The following CIB2 variants were observed in gnomAD, a reference collection of about 807,000 sequenced individuals.
CIB2 encodes calcium and integrin binding family member 2.
In CIB2, 19 loss-of-function variants were observed where a neutral mutation model predicts 23.1. The ratio of observed to expected loss-of-function variants is 0.82; its 90% CI spans 0.57 to 1.21. The LOEUF (loss-of-function observed/expected upper bound fraction) is 1.21. Among genes scored for constraint, CIB2 ranks in the 50% most tolerant of loss-of-function variants. The probability of loss-of-function intolerance (pLI) is 0.00; values close to 1 mark genes in which losing one functional copy is unlikely to be tolerated. For missense variants in CIB2, 220 were observed against 241.5 expected, an observed-to-expected ratio of 0.91 and a Z score of 0.59; for synonymous variants, 94 against 91.7, an observed-to-expected ratio of 1.03 and a Z score of -0.14.
In CIB2 at chr15:78,131,288, G is replaced by A; in HGVS notation, c.-73C>T. 2 of 1,179,208 alleles carry A rather than the reference G, an allele frequency of 1.7e-6. No homozygotes were observed. The highest frequency in any genetic ancestry group is 1.6e-5 in the African/African-American group (1 of 61,676). 73.0% of individuals were successfully genotyped at this position (1,179,208 alleles called of 1,614,324 possible). ...AGCGGCCGCCAGACCCGGAGCCAGC[G>A]CCCCGTGCCCGCGGCCCTCGGCAGC... On this transcript the variant is annotated 5_prime_UTR_variant, in exon 1 of 6. Coordinates refer to ENST00000258930, the MANE Select transcript of CIB2 (RefSeq NM_006383.4). The surrounding 1 kb of genome is among the most constrained non-coding windows in gnomAD (Gnocchi z 5.8).
At chr15:78,128,856 G>A (rs1036942405) in intron 1 of CIB2, among the ~76,000 whole-genome samples, 10 of 152,162 alleles carry the variant, frequency 6.6e-5, no homozygotes, top group African/African-American at 2.4e-4. Context: ...CCTGGCTGTC[G>A]TGATGGAGGA....
chr15:78,126,114 T>C (rs2074377053), intron 1 of CIB2, among the ~76,000 whole-genome samples: 1 of 151,412 alleles, frequency 6.6e-6, no homozygotes, highest in African/African-American at 2.4e-5. Context: ...GAATGGAACT[T>C]AGGCCTCTGT....
rs2074395564 is a variant in CIB2, at chr15:78,127,402, G to C, written c.52-3663C>G. Among the ~76,000 whole-genome samples, 2 of 152,332 alleles carry C rather than the reference G, an allele frequency of 1.3e-5. 1 individual carries two copies. Among genetic ancestry groups the C allele is most frequent in the South Asian group, 4.1e-4 (2 of 4,826 alleles). On this transcript the variant is annotated intron_variant, in intron 1 of 5. Coordinates refer to ENST00000258930, the MANE Select transcript of CIB2 (RefSeq NM_006383.4). Reference sequence around the variant, plus strand: ...GGTCTGGGTCATGAGGAGTGGAAGGGAGGGAAGGAGAGAGGGGGCCTAACC... The same window carrying C: ...GGTCTGGGTCATGAGGAGTGGAAGGCAGGGAAGGAGAGAGGGGGCCTAACC...
rs530078963 is a variant in CIB2, at chr15:78,116,929, T to TA, written c.87-5654dup. Among the ~76,000 whole-genome samples the TA allele has an allele frequency of 8.1e-3, 1,113 of 137,074 alleles. 9 individuals are homozygous for TA. Among genetic ancestry groups the TA allele is most frequent in the African/African-American group, 0.029 (1,020 of 35,622 alleles). 89.9% of individuals were successfully genotyped at this position (137,074 alleles called of 152,430 possible). A position where few individuals can be genotyped will look rare whatever the true frequency, so the allele number is the denominator to read the frequency against. ...GACTGTTTCTATAATTTTTTTTAAT[T>TA]AAAAAAAATGAATTCACAATTTAAA... On this transcript the variant is annotated intron_variant, in intron 2 of 5. Coordinates refer to ENST00000258930, the MANE Select transcript of CIB2 (RefSeq NM_006383.4).
chr15:78,117,246 CAAAAAAAA>C (rs60332437), intron 2 of CIB2, among the ~76,000 whole-genome samples: 12 of 55,496 alleles, frequency 2.2e-4, no homozygotes, highest in East Asian at 1.2e-3. Context: ...AAGCTACTGG[CAAAAAAAA>C]AAAAAAAAAA....
At chr15:78,130,999 C>G (rs978241394) in intron 1 of CIB2, among the ~76,000 whole-genome samples, 166 bp downstream of exon 1, 1 of 152,026 alleles carries the variant, frequency 6.6e-6, no homozygotes, top group Non-Finnish European at 1.5e-5. Context: ...AACTGAGGCA[C>G]GGCGAGGGGA....
chr15:78,130,982 G>A (rs550512962), intron 1 of CIB2, among the ~76,000 whole-genome samples, 183 bp downstream of exon 1: 26 of 152,238 alleles, frequency 1.7e-4, no homozygotes, highest in Non-Finnish European at 3.5e-4. Flanking sequence ...TATTCCACCG[G>A]TGGGGAAACT....
chr15:78,123,722 AT>A lies in CIB2; in HGVS notation c.68del (p.Asn23IlefsTer34). On this transcript the variant is annotated frameshift_variant, in exon 2 of 6. Transcript: ENST00000258930. LOFTEE classifies it high-confidence loss of function. ...LDNYQDCTFF[N>X]KKDILKLHSR... The stretch of plus-strand genomic sequence containing the variant: ...ACACTTACTTGAGGATGTCCTTCTT[AT>A]TGAAGAAGGTGCAGTCCTGTTGAGG... 6.2e-7 allele frequency: 1 copy of A among 1,614,048 alleles called. No homozygotes were observed. The highest frequency in any genetic ancestry group is 8.5e-7 in the Non-Finnish European group (1 of 1,179,916).
At chr15:78,126,140 G>GCCCCC (rs55741935) in intron 1 of CIB2, among the ~76,000 whole-genome samples, 43 of 129,822 alleles carry the variant, frequency 3.3e-4, no homozygotes, top group South Asian at 9.8e-4. Flanking sequence ...CCTTTCCCCT[G>GCCCCC]CCCCCCCCCC....
At chr15:78,109,646 C>G in intron 3 of CIB2, 2 of 505,782 alleles carry the variant, frequency 4.0e-6, no homozygotes, top group Non-Finnish European at 7.2e-6. Flanking sequence ...CATGTCACAT[C>G]ATTAAGATGG....
At chr15:78,124,782 G>A (rs559244890) in intron 1 of CIB2, among the ~76,000 whole-genome samples, 1 of 152,312 alleles carries the variant, frequency 6.6e-6, no homozygotes, top group Admixed American at 6.5e-5. Flanking sequence ...CTGATGAGGA[G>A]TGAATGGCTG....
At chr15:78,124,626 C>T (rs1399321064) in intron 1 of CIB2, among the ~76,000 whole-genome samples, 1 of 152,148 alleles carries the variant, frequency 6.6e-6, no homozygotes, top group Non-Finnish European at 1.5e-5. Flanking sequence ...AAATGCCCAA[C>T]CGTAAAGGGC....
At chr15:78,112,644 G>C (rs991806816) in intron 2 of CIB2, among the ~76,000 whole-genome samples, 12 of 152,200 alleles carry the variant, frequency 7.9e-5, no homozygotes, top group Admixed American at 3.9e-4. Context: ...GGCTGAGGTA[G>C]GTAACCTGCC....
At chr15:78,122,019 A>T (rs1349889111) in intron 2 of CIB2, among the ~76,000 whole-genome samples, 1 of 152,012 alleles carries the variant, frequency 6.6e-6, no homozygotes, top group African/African-American at 2.4e-5. Context: ...AGCCAATCCT[A>T]CCTGTCTTTC....
Position 78,131,056 on chromosome 15 carries a change from T to A in CIB2, c.51+109A>T. 1 of 955,140 alleles carries A rather than the reference T, an allele frequency of 1.0e-6. No homozygotes were observed. Among genetic ancestry groups the A allele is most frequent in the Non-Finnish European group, 1.5e-6 (1 of 665,304 alleles). The allele number at this position is 955,140 out of a possible 1,614,324, so 59.2% of individuals were successfully genotyped here. On this transcript the variant is annotated intron_variant, in intron 1 of 5. Transcript: ENST00000258930. This position sits in a 1 kb window ranked among gnomAD's most constrained non-coding sequence, Gnocchi z 5.8. ...CGTCGAGCTGAAGGCAGAGGCAGGG[T>A]TTGAACCTGGGAGAGCTGGCTCTCG... is the stretch of plus-strand genomic sequence containing the variant.
intron 1 of CIB2, among the ~76,000 whole-genome samples, chr15:78,130,610 C>T (rs1490623222): frequency 6.6e-6 from 1 of 152,120 alleles, no homozygotes; most frequent in Non-Finnish European, 1.5e-5. Context: ...AGGCTGCTAC[C>T]GGGCTTGCGT....
Position 78,131,119 on chromosome 15 carries a change from G to A in CIB2, c.51+46C>T. 1 of 1,511,188 alleles carries A rather than the reference G, an allele frequency of 6.6e-7. No individual in the cohort carries two copies. Among genetic ancestry groups the A allele is most frequent in the Non-Finnish European group, 8.9e-7 (1 of 1,119,866 alleles). 93.6% of individuals were successfully genotyped at this position (1,511,188 alleles called of 1,614,324 possible). A position where few individuals can be genotyped will look rare whatever the true frequency, so the allele number is the denominator to read the frequency against. ...CAGCGACCGAGAAAAGGGAGGGGCG[G>A]CGGGGCGGCGGGGCCTGTGTTGGGG... On this transcript the variant is annotated intron_variant, in intron 1 of 5. Transcript: ENST00000258930. This position sits in a 1 kb window ranked among gnomAD's most constrained non-coding sequence, Gnocchi z 5.8.
At chr15:78,113,517 C>CTTTCT (rs2074190205) in intron 2 of CIB2, among the ~76,000 whole-genome samples, 1 of 145,036 alleles carries the variant, frequency 6.9e-6, no homozygotes, top group Non-Finnish European at 1.5e-5. Context: ...ATTCATGCAT[C>CTTTCT]TTCTTTCTTT....
intron 1 of CIB2, among the ~76,000 whole-genome samples, chr15:78,125,453 C>T (rs1567059203): frequency 1.3e-5 from 2 of 152,274 alleles, no homozygotes; most frequent in South Asian, 2.1e-4. Context: ...TCTCCTATCC[C>T]ATGTGTTGGA....
Sources: allele counts gnomAD v4.1 joint callset (sites outside exome capture counted in the v4.1 genomes callset), GRCh38; gene constraint gnomAD v4.1.1; non-coding constraint Gnocchi (gnomAD v3.1); transcripts MANE v1.5; gene names NCBI Gene and HGNC (gene_info 2026-07-23, HGNC 2026-07-21).